Variants in NFIA observed in about 807,000 individuals in gnomAD.
NFIA encodes nuclear factor 1 A-type.
In NFIA, 8 loss-of-function variants were observed where a neutral mutation model predicts 62.8. The observed-to-expected ratio is 0.13, with a 90% CI of 0.07 to 0.23. NFIA has a LOEUF of 0.23. Among genes scored for constraint, NFIA ranks in the 10% least tolerant of loss-of-function variants. The pLI is 1.00. For missense variants in NFIA, 410 were observed against 642.1 expected, an observed-to-expected ratio of 0.64 and a Z score of 3.91; for synonymous variants, 235 against 238.1, an observed-to-expected ratio of 0.99 and a Z score of 0.12.
intron 4 of NFIA, among the ~76,000 whole-genome samples, chr1:61,347,935 T>G (rs981213897): frequency 1.3e-5 from 2 of 152,204 alleles, no homozygotes; most frequent in African/African-American, 4.8e-5. Context: ...TTATTTAATC[T>G]CACTTCAAGG....
intron 2 of NFIA, among the ~76,000 whole-genome samples, chr1:61,195,281 C>G (rs1246429279): frequency 6.6e-6 from 1 of 152,058 alleles, no homozygotes; most frequent in Non-Finnish European, 1.5e-5. Context: ...CAGGGTCTTA[C>G]GGCATCATGA....
At chr1:61,399,092 G>A (rs529280117) in intron 7 of NFIA, among the ~76,000 whole-genome samples, 29 of 152,144 alleles carry the variant, frequency 1.9e-4, no homozygotes, top group African/African-American at 6.7e-4. Context: ...CCACCCTTAC[G>A]CTATGGAAGT....
At position 61,458,015 on chromosome 1, in the gene NFIA, A is replaced by G. The variant is rs916244509; in HGVS notation, c.*2695A>G. ...CTCTATTTAAGGAAAAAAAAATAAAATAAAACATTTTGGATTTTCATATGT... is the reference window on the plus strand; with the variant it reads ...CTCTATTTAAGGAAAAAAAAATAAAGTAAAACATTTTGGATTTTCATATGT... On this transcript the variant is annotated 3_prime_UTR_variant, in exon 11 of 11. Transcript: ENST00000403491. The G allele has an allele frequency of 6.6e-6, 1 of 152,174 alleles. No individual in the cohort carries two copies. The highest frequency in any genetic ancestry group is 1.5e-5 in the Non-Finnish European group (1 of 68,048). 9.4% of individuals were successfully genotyped at this position (152,174 alleles called of 1,614,324 possible).
intron 2 of NFIA, among the ~76,000 whole-genome samples, chr1:61,275,030 G>T (rs935016495): frequency 6.6e-6 from 1 of 152,134 alleles, no homozygotes; most frequent in Non-Finnish European, 1.5e-5. Context: ...TAGCAGGATG[G>T]TGCATTTTAG....
chr1:61,095,793 C>T (rs1217974099), intron 2 of NFIA, among the ~76,000 whole-genome samples: 1 of 152,142 alleles, frequency 6.6e-6, no homozygotes, highest in Admixed American at 6.5e-5. Flanking sequence ...CTAATTCGTT[C>T]TAGATGCTTT....
intron 6 of NFIA, among the ~76,000 whole-genome samples, chr1:61,381,101 A>G (rs1388185624): frequency 1.8e-5 from 2 of 109,982 alleles, no homozygotes; most frequent in African/African-American, 6.5e-5. Flanking sequence ...CCATTATCTG[A>G]AAAAAAAAAA....
intron 3 of NFIA, among the ~76,000 whole-genome samples, chr1:61,312,011 C>T (rs1165437173): frequency 2.0e-5 from 3 of 152,174 alleles, no homozygotes; most frequent in African/African-American, 7.2e-5. Context: ...ATTCCTCTCC[C>T]GTGGCCTTTA....
At chr1:61,331,925 A>G (rs956538366) in intron 3 of NFIA, among the ~76,000 whole-genome samples, 2 of 152,158 alleles carry the variant, frequency 1.3e-5, no homozygotes, top group Non-Finnish European at 1.5e-5. Flanking sequence ...CACAAAAAAA[A>G]ATTTGGGGTG....
intron 10 of NFIA, among the ~76,000 whole-genome samples, chr1:61,437,648 A>G (rs912601332): frequency 3.3e-5 from 5 of 152,236 alleles, no homozygotes; most frequent in African/African-American, 1.2e-4. Context: ...TCGATGAAGT[A>G]ATTGAAATAG....
chr1:61,382,085 C>T (rs1664445457), intron 6 of NFIA, among the ~76,000 whole-genome samples: 1 of 152,178 alleles, frequency 6.6e-6, no homozygotes, highest in South Asian at 2.1e-4. Context: ...CTTTTAACAT[C>T]AGTGCAGACC....
At chr1:61,090,658 C>G (rs1646304287) in intron 2 of NFIA, among the ~76,000 whole-genome samples, 1 of 152,116 alleles carries the variant, frequency 6.6e-6, no homozygotes, top group South Asian at 2.1e-4. Flanking sequence ...GAGTTAGCAT[C>G]CTTATTGCTT....
At chr1:61,411,380 G>A (rs1394193956) in intron 9 of NFIA, among the ~76,000 whole-genome samples, 2 of 152,168 alleles carry the variant, frequency 1.3e-5, no homozygotes, top group African/African-American at 4.8e-5. Context: ...GAGAAAGATT[G>A]ATAGACTGTG....
intron 8 of NFIA, among the ~76,000 whole-genome samples, chr1:61,405,917 A>AT (rs1220508220): frequency 1.3e-5 from 2 of 152,146 alleles, no homozygotes; most frequent in Non-Finnish European, 2.9e-5. Context: ...TAGAAGTGAT[A>AT]TTTTTCCCTA....
intron 2 of NFIA, among the ~76,000 whole-genome samples, chr1:61,268,053 A>C (rs1224925536): frequency 1.3e-5 from 2 of 152,238 alleles, no homozygotes. Flanking sequence ...CTATGACTGC[A>C]GAATCCCAGA....
At chr1:61,114,507 CATT>C (rs1646764083) in intron 2 of NFIA, among the ~76,000 whole-genome samples, 1 of 152,062 alleles carries the variant, frequency 6.6e-6, no homozygotes, top group Non-Finnish European at 1.5e-5. Context: ...AAGCAAAAAA[CATT>C]ATTTCCTTTC....
intron 7 of NFIA, among the ~76,000 whole-genome samples, chr1:61,395,266 C>T (rs1345806625): frequency 6.9e-6 from 1 of 145,790 alleles, no homozygotes; most frequent in African/African-American, 2.5e-5. Flanking sequence ...TTTCTGTCTG[C>T]TTATTTTCTG....
In NFIA at chr1:61,106,620, G is replaced by A. The variant is rs75595138; in HGVS notation, c.559+17940G>A. ...TGTTGCTAAAAAGCTGTAGAATATC[G>A]TGGAAAATTCTTTTATTGTAACAAA... On this transcript the variant is annotated intron_variant, in intron 2 of 10. Coordinates refer to ENST00000403491, the MANE Select transcript of NFIA (RefSeq NM_001134673.4). Among the ~76,000 whole-genome samples, 1,769 of 151,698 alleles carry A rather than the reference G, an allele frequency of 0.012. 101 individuals are homozygous for A. In the East Asian group the frequency reaches 0.18, roughly 16 times the overall value.
In NFIA at chr1:61,352,476, A is replaced by C. The variant is rs766760735; in HGVS notation, c.727A>C (p.Asn243His). ...QTPIAAGTGPNFSLSDLESSS... is the reference protein window; with the variant it reads ...QTPIAAGTGPHFSLSDLESSS... ...ACCAATAGCTGCAGGAACTGGCCCA[A>C]ATTTTTCTCTCTCAGATTTGGAAAG... The change falls in exon 5 of 11, where the codon AAT (asparagine) becomes CAT (histidine). Residue 243 changes from asparagine (N) to histidine (H), a missense_variant. Around this residue, in one of 3 missense-constraint regions of NFIA, gnomAD observed 298 missense variants for 438.1 expected, o/e 0.68. Coordinates refer to ENST00000403491, the MANE Select transcript of NFIA (RefSeq NM_001134673.4). 2 of 1,613,908 alleles carry C rather than the reference A, an allele frequency of 1.2e-6. No individual in the cohort carries two copies. The highest frequency in any genetic ancestry group is 1.7e-6 in the Non-Finnish European group (2 of 1,179,906).
At chr1:61,257,113 T>C (rs1293555438) in intron 2 of NFIA, among the ~76,000 whole-genome samples, 3 of 152,080 alleles carry the variant, frequency 2.0e-5, no homozygotes, top group Admixed American at 6.6e-5. Context: ...GATCGGTTCC[T>C]CTATTCAGCC....
Sources: gnomAD v4.1 joint callset for allele counts (sites outside exome capture counted in the v4.1 genomes callset) on GRCh38, gnomAD v4.1.1 for gene constraint, gnomAD v4.1.1 regional missense constraint, MANE v1.5 for transcripts, NCBI Gene and HGNC (gene_info 2026-07-23, HGNC 2026-07-21) for gene names.